KCNK13: variants seen among roughly 807,000 people sequenced by gnomAD.
KCNK13 encodes the protein potassium two pore domain channel subfamily K member 13.
A neutral mutation model predicts 23.4 loss-of-function variants in KCNK13; 12 were observed. The ratio of observed to expected loss-of-function variants is 0.51; its 90% confidence interval spans 0.33 to 0.83. KCNK13 has a LOEUF of 0.83. Ranked by LOEUF, KCNK13 falls within the 40% of genes least tolerant of loss-of-function variation. The probability of loss-of-function intolerance (pLI) is 0.02; values close to 1 mark genes in which losing one functional copy is unlikely to be tolerated. For missense variants in KCNK13, 463 were observed against 556.3 expected, an observed-to-expected ratio of 0.83 and a Z score of 1.69; for synonymous variants, 231 against 229.5, an observed-to-expected ratio of 1.01 and a Z score of -0.06.
At chr14:90,097,383 G>A (rs1452729292) in intron 1 of KCNK13, among the ~76,000 whole-genome samples, 1 of 152,042 alleles carries the variant, frequency 6.6e-6, no homozygotes, top group Non-Finnish European at 1.5e-5. Flanking sequence ...ACTGTCAAGG[G>A]AACTGATCCA....
chr14:90,172,718 A>G (rs4904640), intron 1 of KCNK13, among the ~76,000 whole-genome samples: 38,137 of 152,088 alleles, frequency 0.25, 6,202 homozygotes, highest in East Asian at 0.65. Flanking sequence ...GTTCACTTCA[A>G]TTTATACCTG....
chr14:90,135,136 G>A (rs1596793201), intron 1 of KCNK13, among the ~76,000 whole-genome samples: 1 of 152,280 alleles, frequency 6.6e-6, no homozygotes, highest in Non-Finnish European at 1.5e-5. Context: ...GCTGACCCAG[G>A]TCTTCTAATA....
intron 1 of KCNK13, among the ~76,000 whole-genome samples, chr14:90,116,223 T>A (rs1004607241): frequency 6.6e-6 from 1 of 152,164 alleles, no homozygotes; most frequent in African/African-American, 2.4e-5. Flanking sequence ...AAAGGAGTCC[T>A]TTTTTCCCTT....
At chr14:90,134,340 C>T (rs1410825034) in intron 1 of KCNK13, among the ~76,000 whole-genome samples, 1 of 152,168 alleles carries the variant, frequency 6.6e-6, no homozygotes, top group Non-Finnish European at 1.5e-5. Context: ...TAGAAATAAA[C>T]ACTATTTTCT....
At chr14:90,135,204 A>T (rs930707149) in intron 1 of KCNK13, among the ~76,000 whole-genome samples, 1 of 152,216 alleles carries the variant, frequency 6.6e-6, no homozygotes, top group African/African-American at 2.4e-5. Context: ...AAGAAAACAA[A>T]GATAAGGTTG....
At chr14:90,178,231 C>CAAAAAA (rs34726346) in intron 1 of KCNK13, among the ~76,000 whole-genome samples, 148 of 75,080 alleles carry the variant, frequency 2.0e-3, no homozygotes, top group Non-Finnish European at 2.5e-3. Context: ...TTCCTAAAAG[C>CAAAAAA]AAAAAAAAAA....
At chr14:90,095,464 G>A (rs965893327) in intron 1 of KCNK13, among the ~76,000 whole-genome samples, 1 of 152,110 alleles carries the variant, frequency 6.6e-6, no homozygotes, top group African/African-American at 2.4e-5. Context: ...CAGTGTTATA[G>A]TCAACATATC....
chr14:90,079,882 G>C (rs564288997), intron 1 of KCNK13, among the ~76,000 whole-genome samples: 1 of 152,170 alleles, frequency 6.6e-6, no homozygotes, highest in Non-Finnish European at 1.5e-5. Flanking sequence ...AAGGTCACAC[G>C]TCCACCTCTG....
chr14:90,121,939 C>T (rs545280276), intron 1 of KCNK13, among the ~76,000 whole-genome samples: 3 of 152,128 alleles, frequency 2.0e-5, no homozygotes, highest in Admixed American at 6.5e-5. Flanking sequence ...AGGCTGATCT[C>T]GAACCGCTGA....
chr14:90,082,899 C>G (rs1019630045), intron 1 of KCNK13, among the ~76,000 whole-genome samples: 2 of 152,168 alleles, frequency 1.3e-5, no homozygotes, highest in African/African-American at 4.8e-5. Flanking sequence ...TATATTCCCA[C>G]CGACAGTGTA....
chr14:90,102,270 G>T (rs900095830), intron 1 of KCNK13, among the ~76,000 whole-genome samples: 1 of 152,198 alleles, frequency 6.6e-6, no homozygotes, highest in Non-Finnish European at 1.5e-5. Context: ...CTTTAAGGCA[G>T]AATGTACAGC....
chr14:90,074,706 A>AC (rs1322390380), intron 1 of KCNK13, among the ~76,000 whole-genome samples: 16 of 152,036 alleles, frequency 1.1e-4, no homozygotes, highest in Middle Eastern at 3.2e-3. Flanking sequence ...CTCTTATGTT[A>AC]CTGAATTTTG....
At chr14:90,122,171 C>G (rs988771213) in intron 1 of KCNK13, among the ~76,000 whole-genome samples, 2 of 152,020 alleles carry the variant, frequency 1.3e-5, no homozygotes, top group Non-Finnish European at 2.9e-5. Context: ...TAGATTTTCA[C>G]TATTTTTTTC....
intron 1 of KCNK13, among the ~76,000 whole-genome samples, chr14:90,065,949 A>G (rs968657375): frequency 1.4e-4 from 22 of 152,258 alleles, no homozygotes; most frequent in African/African-American, 5.3e-4. Context: ...ACGAGGAAAC[A>G]TAAACCTTTC....
intron 1 of KCNK13, among the ~76,000 whole-genome samples, chr14:90,130,482 G>A (rs138442379): frequency 0.019 from 2,878 of 151,658 alleles, 102 homozygotes; most frequent in African/African-American, 0.067. Flanking sequence ...TTACAGGCAT[G>A]AACCACCACA....
chr14:90,122,016 A>C (rs1889745001), intron 1 of KCNK13, among the ~76,000 whole-genome samples: 1 of 152,094 alleles, frequency 6.6e-6, no homozygotes, highest in Admixed American at 6.6e-5. Flanking sequence ...CACCATGCCC[A>C]GCAGATGCAT....
At chr14:90,144,408 T>C (rs970655845) in intron 1 of KCNK13, among the ~76,000 whole-genome samples, 3 of 152,136 alleles carry the variant, frequency 2.0e-5, no homozygotes, top group Admixed American at 2.0e-4. Flanking sequence ...ACAAACTTAG[T>C]TATTAGTCTT....
rs1371832206 is a variant in KCNK13, at chr14:90,184,878, T to C, written c.1102T>C (p.Ser368Pro). 1 of 1,613,708 alleles carries C rather than the reference T, an allele frequency of 6.2e-7. No homozygotes were observed. The highest frequency in any genetic ancestry group is 8.5e-7 in the Non-Finnish European group (1 of 1,179,978). The change falls in exon 2 of 2, where the codon TCT becomes CCT. Residue 368 changes from serine (S) to proline (P), a missense_variant. Ser to Pro is a moderately conservative substitution (Grantham distance 74). Around this residue, in one of 3 missense-constraint regions of KCNK13, gnomAD observed 166 missense variants for 178.8 expected, o/e 0.93. Transcript: ENST00000282146. This position sits in a 1 kb window ranked among gnomAD's most constrained non-coding sequence, Gnocchi z 5.6. The stretch of plus-strand genomic sequence containing the variant: ...GTTGGCCATCCTGCAGAAGCAACTG[T>C]CTGAGATGGCCAACGGCTGCCCCCA... ...ASLAILQKQLSEMANGCPHQT... is the reference protein window; with the variant it reads ...ASLAILQKQLPEMANGCPHQT...
chr14:90,145,216 T>G (rs1410801562), intron 1 of KCNK13, among the ~76,000 whole-genome samples: 1 of 152,066 alleles, frequency 6.6e-6, no homozygotes, highest in Non-Finnish European at 1.5e-5. Flanking sequence ...GAGACCAGCC[T>G]GGGCAATATG....
Sources: gnomAD v4.1 joint callset for allele counts (sites outside exome capture counted in the v4.1 genomes callset) on GRCh38, gnomAD v4.1.1 for gene constraint, gnomAD v4.1.1 regional missense constraint, Gnocchi (gnomAD v3.1) non-coding constraint, MANE v1.5 for transcripts, NCBI Gene and HGNC (gene_info 2026-07-23, HGNC 2026-07-21) for gene names.